Variants in ADGRA1 observed in about 807,000 individuals in gnomAD.
The protein encoded by ADGRA1 is adhesion G protein-coupled receptor A1, also known as G-protein coupled receptor 123.
A neutral mutation model predicts 21.3 loss-of-function variants in ADGRA1; 12 were observed. The observed-to-expected ratio is 0.56, with a 90% CI of 0.36 to 0.91. The LOEUF (loss-of-function observed/expected upper bound fraction) is 0.91. ADGRA1 is among the 40% of genes least tolerant of loss of function. The pLI is 0.01. For missense variants in ADGRA1, 790 were observed against 805.6 expected, an observed-to-expected ratio of 0.98 and a Z score of 0.23; for synonymous variants, 385 against 368.8, an observed-to-expected ratio of 1.04 and a Z score of -0.50.
At chr10:133,105,865 G>C (rs550608115) in intron 5 of ADGRA1, among the ~76,000 whole-genome samples, 3 of 152,320 alleles carry the variant, frequency 2.0e-5, no homozygotes, top group Non-Finnish European at 4.4e-5. Flanking sequence ...AGCTGCAGGG[G>C]CCAAGGTCAC....
rs959987230 is a variant in ADGRA1, at chr10:133,095,546, G to A, written c.4-1428G>A. 3.4e-5 allele frequency: 46 copies of A among 1,342,828 alleles called. 1 individual carries two copies. The highest frequency in any genetic ancestry group is 1.9e-4 in the Middle Eastern group (1 of 5,248). 83.2% of individuals were successfully genotyped at this position (1,342,828 alleles called of 1,614,324 possible). A position where few individuals can be genotyped will look rare whatever the true frequency, so the allele number is the denominator to read the frequency against. ...CGCACAGGTCCAGGCTCCTCGTCCCGGGATGCAGGGCCCCTCCGGTGCCCG... is the reference window on the plus strand; with the variant it reads ...CGCACAGGTCCAGGCTCCTCGTCCCAGGATGCAGGGCCCCTCCGGTGCCCG... On this transcript the variant is annotated intron_variant, in intron 2 of 6. Coordinates refer to ENST00000392607, the MANE Select transcript of ADGRA1 (RefSeq NM_001083909.3).
At chr10:133,099,532 G>A (rs1051861729) in intron 4 of ADGRA1, among the ~76,000 whole-genome samples, 4 of 152,140 alleles carry the variant, frequency 2.6e-5, no homozygotes, top group African/African-American at 4.8e-5. Context: ...CCTCACATCC[G>A]GGGGCCCAGC....
intron 5 of ADGRA1, among the ~76,000 whole-genome samples, chr10:133,107,727 T>C (rs978969036): frequency 6.6e-6 from 1 of 152,234 alleles, no homozygotes; most frequent in Non-Finnish European, 1.5e-5. Context: ...CATTTCTGCT[T>C]TTCCTTGTGA....
At position 133,088,486 on chromosome 10, in the gene ADGRA1, A is replaced by G. The variant is rs558608226; in HGVS notation, c.-202-222A>G. 966 of 175,986 alleles carry G rather than the reference A, an allele frequency of 5.5e-3. 15 individuals carry two copies. The highest frequency in any genetic ancestry group is 0.022 in the African/African-American group (914 of 42,260). 10.9% of individuals were successfully genotyped at this position (175,986 alleles called of 1,614,324 possible). The stretch of plus-strand genomic sequence containing the variant: ...GGGAGTGGGGCGCAGATTGATTTTT[A>G]AATATGGAGAAGGAGACGCATCTGC... On this transcript the variant is annotated intron_variant, in intron 1 of 6. Transcript: ENST00000392607.
At chr10:133,111,430 GACACCTCCCTCCTAATCCCACCA>G (rs1852003961) in intron 5 of ADGRA1, among the ~76,000 whole-genome samples, 1 of 62,116 alleles carries the variant, frequency 1.6e-5, no homozygotes. Flanking sequence ...GCCCACCACG[GACACCTCCCTCCTAATCCCACCA>G]GACAACCTGC....
chr10:133,092,144 G>A (rs925360993), intron 2 of ADGRA1, among the ~76,000 whole-genome samples: 2 of 152,256 alleles, frequency 1.3e-5, no homozygotes, highest in Non-Finnish European at 2.9e-5. Flanking sequence ...GGAGGTGGGA[G>A]GGGCCCGGGA....
intron 5 of ADGRA1, among the ~76,000 whole-genome samples, chr10:133,111,348 C>A (rs1269833993): frequency 1.0e-5 from 1 of 96,678 alleles, no homozygotes; most frequent in Non-Finnish European, 1.9e-5. Context: ...CCACCACAGG[C>A]ACCTCCCTCC....
rs749505938 is a variant in ADGRA1 at position 133,129,110 on chromosome 10, C to G, written c.1282C>G (p.Arg428Gly). The G allele has an allele frequency of 6.4e-7, 1 of 1,551,942 alleles. No homozygotes were observed. Among genetic ancestry groups the G allele is most frequent in the African/African-American group, 1.4e-5 (1 of 73,362 alleles). Reference sequence around the variant, plus strand: ...CAGAACTAAGCCGCCCTACTTTAGCCGGCACCCAGCAGAGGAGCCCGAGTA... The same window carrying G: ...CAGAACTAAGCCGCCCTACTTTAGCGGGCACCCAGCAGAGGAGCCCGAGTA... The part of the protein sequence containing the change: ...QGRTKPPYFS[R>G]HPAEEPEYAY... Residue 428 changes from arginine to glycine, a missense_variant, in exon 7 of 7, where the codon CGG becomes GGG. By Grantham distance (125) the Arg-to-Gly change is moderately radical. Around this residue, in one of 3 missense-constraint regions of ADGRA1, gnomAD observed 391 missense variants for 351.5 expected, o/e 1.11. Transcript: ENST00000392607.
intron 5 of ADGRA1, among the ~76,000 whole-genome samples, chr10:133,120,828 T>A (rs947040313): frequency 6.6e-6 from 1 of 152,210 alleles, no homozygotes; most frequent in African/African-American, 2.4e-5. Flanking sequence ...CGTGGCTGTT[T>A]GTCACAAGAG....
intron 2 of ADGRA1, chr10:133,095,865 G>A: frequency 6.7e-7 from 1 of 1,491,622 alleles, no homozygotes; most frequent in Non-Finnish European, 9.0e-7. Context: ...CCATCCCAGA[G>A]GCCCGGCCGG....
rs140483701 is a variant in ADGRA1, at chr10:133,095,126, C to T, written c.4-1848C>T. Reference sequence around the variant, plus strand: ...GAATGTCCACAGTTGGCCGGGCTGTCCCTGGGCTGATCTCTGGGGGAAGCA... The same window carrying T: ...GAATGTCCACAGTTGGCCGGGCTGTTCCTGGGCTGATCTCTGGGGGAAGCA... On this transcript the variant is annotated intron_variant, in intron 2 of 6. Coordinates refer to ENST00000392607, the MANE Select transcript of ADGRA1 (RefSeq NM_001083909.3). Among the ~76,000 whole-genome samples, 43 of 152,298 alleles carry T rather than the reference C, an allele frequency of 2.8e-4. No homozygotes were observed. In the East Asian group the frequency reaches 8.1e-3, roughly 29 times the overall value.
Position 133,129,842 on chromosome 10 carries a change from T to G in ADGRA1, c.*331T>G. On this transcript the variant is annotated 3_prime_UTR_variant, in exon 7 of 7. Transcript: ENST00000392607. ...TGTGGTCTCCAGTCCTGGGGCACCCTAGAGGCAGAGCAGGGGATTCCATCA... is the reference window on the plus strand; with the variant it reads ...TGTGGTCTCCAGTCCTGGGGCACCCGAGAGGCAGAGCAGGGGATTCCATCA... 5 of 277,418 alleles carry G rather than the reference T, an allele frequency of 1.8e-5. No individual in the cohort carries two copies. The highest frequency in any genetic ancestry group is 3.5e-5 in the Non-Finnish European group (5 of 143,638). 17.2% of individuals were successfully genotyped at this position (277,418 alleles called of 1,614,324 possible).
At chr10:133,113,928 A>G (rs1852109000) in intron 5 of ADGRA1, among the ~76,000 whole-genome samples, 2 of 152,224 alleles carry the variant, frequency 1.3e-5, no homozygotes, top group African/African-American at 4.8e-5. Context: ...TGAGCTTTAC[A>G]GATGGGGAAA....
chr10:133,115,549 A>C (rs1260549385), intron 5 of ADGRA1, among the ~76,000 whole-genome samples: 1 of 152,190 alleles, frequency 6.6e-6, no homozygotes, highest in Non-Finnish European at 1.5e-5. Flanking sequence ...CATGCTTGGC[A>C]GAAGGGCGCG....
Position 133,128,719 on chromosome 10 carries a change from C to G in ADGRA1, c.891C>G (p.Thr297=), listed in dbSNP as rs150326325. ...FSCLYGAFCV[T]LGLFVLIHHC... ...GCCTGTACGGCGCCTTCTGCGTGAC[C>G]CTGGGACTCTTCGTGCTCATCCACC... The change falls in exon 7 of 7, where the codon ACC becomes ACG. Residue 297 remains threonine, a synonymous_variant. Coordinates refer to ENST00000392607, the MANE Select transcript of ADGRA1 (RefSeq NM_001083909.3). The G allele has an allele frequency of 1.2e-6, 2 of 1,612,064 alleles. No homozygotes were observed. Among genetic ancestry groups the G allele is most frequent in the African/African-American group, 1.3e-5 (1 of 74,922 alleles).
At chr10:133,116,138 G>A (rs1357711468) in intron 5 of ADGRA1, among the ~76,000 whole-genome samples, 2 of 152,236 alleles carry the variant, frequency 1.3e-5, no homozygotes, top group African/African-American at 2.4e-5. Context: ...GTGGAGCCCA[G>A]GCCCCTTGCC....
At chr10:133,090,537 A>G (rs916754242) in intron 2 of ADGRA1, among the ~76,000 whole-genome samples, 1 of 152,186 alleles carries the variant, frequency 6.6e-6, no homozygotes, top group East Asian at 1.9e-4. Flanking sequence ...ATTTTTCTGC[A>G]TGTGTCTCCA....
intron 4 of ADGRA1, among the ~76,000 whole-genome samples, chr10:133,099,888 A>G (rs781232111): frequency 2.6e-5 from 4 of 152,196 alleles, no homozygotes; most frequent in Non-Finnish European, 5.9e-5. Context: ...CCTGGCACTG[A>G]CATGCACCTG....
intron 2 of ADGRA1, chr10:133,095,542 TC>T: frequency 7.6e-7 from 1 of 1,320,908 alleles, no homozygotes; most frequent in South Asian, 1.5e-5. Flanking sequence ...AGGCTCCTCG[TC>T]CCGGGATGCA....
Sources: allele counts gnomAD v4.1 joint callset (sites outside exome capture counted in the v4.1 genomes callset), GRCh38; gene constraint gnomAD v4.1.1; regional missense constraint gnomAD v4.1.1; transcripts MANE v1.5; gene names NCBI Gene and HGNC (gene_info 2026-07-23, HGNC 2026-07-21).